PCSK6: variants seen among roughly 807,000 people sequenced by gnomAD.
PCSK6 encodes the protein proprotein convertase subtilisin/kexin type 6.
Under a neutral mutation model 123.3 loss-of-function variants are expected in PCSK6, and 85 were observed. That is an observed-to-expected ratio of 0.69 (90% CI 0.58 to 0.83). PCSK6 has a LOEUF of 0.83. Among genes scored for constraint, PCSK6 ranks in the 40% least tolerant of loss-of-function variants. PCSK6 has a pLI of 0.00. For missense variants in PCSK6, 1,191 were observed against 1,282.3 expected (o/e 0.93, Z 1.09); for synonymous variants, 508 against 516.0 (o/e 0.98, Z 0.21).
intron 10 of PCSK6, 102 bp from the exon 11 acceptor site, chr15:101,382,311 C>A: frequency 1.1e-6 from 1 of 896,924 alleles, no homozygotes. Flanking sequence ...ACAGAGGGAC[C>A]GTAAGACTCG....
chr15:101,438,316 C>A (rs963291309), intron 2 of PCSK6, among the ~76,000 whole-genome samples: 1 of 152,162 alleles, frequency 6.6e-6, no homozygotes, highest in Admixed American at 6.5e-5. Flanking sequence ...TAGGATTTTT[C>A]CATAATTTAG....
chr15:101,453,109 T>C (rs2057078229), intron 1 of PCSK6, among the ~76,000 whole-genome samples: 1 of 152,226 alleles, frequency 6.6e-6, no homozygotes, highest in Non-Finnish European at 1.5e-5. Flanking sequence ...ACTCTTTCTC[T>C]AACCCCATGC....
At chr15:101,348,019 T>A (rs950495779) in intron 13 of PCSK6, among the ~76,000 whole-genome samples, 1 of 152,224 alleles carries the variant, frequency 6.6e-6, no homozygotes, top group Non-Finnish European at 1.5e-5. Flanking sequence ...ATACACTTTA[T>A]GTCCTGTCTT....
At chr15:101,396,605 G>C (rs1213102799) in intron 7 of PCSK6, among the ~76,000 whole-genome samples, 1 of 152,048 alleles carries the variant, frequency 6.6e-6, no homozygotes, top group Non-Finnish European at 1.5e-5. Context: ...GGAGCTGGGA[G>C]CTAAGTAATG....
intron 1 of PCSK6, among the ~76,000 whole-genome samples, chr15:101,453,842 G>A (rs886139010): frequency 1.3e-5 from 2 of 152,244 alleles, no homozygotes; most frequent in African/African-American, 4.8e-5. Context: ...GCTCCGGTAC[G>A]AGTCCAGGTC....
intron 13 of PCSK6, among the ~76,000 whole-genome samples, chr15:101,352,738 C>A (rs1406456640): frequency 6.6e-6 from 1 of 152,150 alleles, no homozygotes; most frequent in African/African-American, 2.4e-5. Context: ...ATTATCTGTG[C>A]CCATTCTTTC....
intron 19 of PCSK6, 128 bp downstream of exon 19, chr15:101,318,191 T>C (rs1596174774): frequency 8.9e-6 from 6 of 673,616 alleles, no homozygotes; most frequent in East Asian, 5.5e-5. Flanking sequence ...GTACCTTGTT[T>C]TGCCCTTGCA....
chr15:101,383,623 G>T (rs1439741469), intron 10 of PCSK6, among the ~76,000 whole-genome samples: 2 of 151,998 alleles, frequency 1.3e-5, no homozygotes, highest in Admixed American at 6.6e-5. Context: ...GCCAAAAGAA[G>T]TTTTACAGTT....
chr15:101,386,116 G>A (rs571500720), intron 9 of PCSK6, among the ~76,000 whole-genome samples: 4 of 151,988 alleles, frequency 2.6e-5, no homozygotes, highest in South Asian at 2.1e-4. Flanking sequence ...TACTAGGAAC[G>A]CACACCGTGC....
At chr15:101,454,730 AG>A (rs1202069974) in intron 1 of PCSK6, among the ~76,000 whole-genome samples, 17 of 152,152 alleles carry the variant, frequency 1.1e-4, no homozygotes, top group African/African-American at 3.9e-4. Flanking sequence ...AGATCACATG[AG>A]GTCAGGAGTT....
chr15:101,364,067 C>T (rs2041316951), intron 13 of PCSK6, among the ~76,000 whole-genome samples: 1 of 152,196 alleles, frequency 6.6e-6, no homozygotes, highest in Admixed American at 6.5e-5. Context: ...CAACACTCTT[C>T]TTTTCTCCTA....
chr15:101,464,350 C>T (rs2057407335), intron 1 of PCSK6, among the ~76,000 whole-genome samples: 2 of 152,138 alleles, frequency 1.3e-5, no homozygotes, highest in African/African-American at 4.8e-5. Context: ...TCATATGTAC[C>T]CACACGTGTG....
intron 6 of PCSK6, among the ~76,000 whole-genome samples, chr15:101,425,453 T>C (rs1323944753): frequency 6.6e-6 from 1 of 152,208 alleles, no homozygotes; most frequent in East Asian, 1.9e-4. Context: ...GAGCTGACCA[T>C]AGAGCTCTTC....
chr15:101,438,753 G>A lies in PCSK6; in HGVS notation c.402+4803C>T, dbSNP rs144724619. 2.0e-4 allele frequency among the ~76,000 whole-genome samples: 30 copies of A among 152,316 alleles called. No homozygotes were observed. The East Asian group carries it at 3.9e-3, about 20-fold the overall frequency. Reference sequence around the variant, plus strand: ...TCCCAAACAAACTGAACTAGTCATCGTTCCCAACAAACACTGCTGTGTGCT... The same window carrying A: ...TCCCAAACAAACTGAACTAGTCATCATTCCCAACAAACACTGCTGTGTGCT... On this transcript the variant is annotated intron_variant, in intron 2 of 21. Coordinates refer to ENST00000611716, the MANE Select transcript of PCSK6 (RefSeq NM_002570.5).
chr15:101,320,228 G>C (rs1417323502), intron 18 of PCSK6, among the ~76,000 whole-genome samples: 2 of 152,150 alleles, frequency 1.3e-5, no homozygotes, highest in African/African-American at 4.8e-5. Flanking sequence ...TGAGATTACA[G>C]GCGTGCACCA....
intron 1 of PCSK6, among the ~76,000 whole-genome samples, chr15:101,453,725 A>T (rs1567232303): frequency 6.6e-6 from 1 of 152,180 alleles, no homozygotes; most frequent in Non-Finnish European, 1.5e-5. Context: ...AGACTTTCCC[A>T]ACTTGAGGAG....
intron 1 of PCSK6, among the ~76,000 whole-genome samples, chr15:101,473,904 AATG>A (rs1221822860): frequency 6.8e-5 from 10 of 147,918 alleles, no homozygotes; most frequent in South Asian, 4.2e-4. Context: ...ATAAATAAAT[AATG>A]AATGAATGAA....
At chr15:101,435,627 G>C (rs569617414) in intron 2 of PCSK6, among the ~76,000 whole-genome samples, 1 of 152,342 alleles carries the variant, frequency 6.6e-6, no homozygotes, top group South Asian at 2.1e-4. Context: ...ACGCTCTGGG[G>C]CAGGGAGTTC....
intron 1 of PCSK6, among the ~76,000 whole-genome samples, chr15:101,484,271 G>A (rs2057965308): frequency 6.6e-6 from 1 of 152,132 alleles, no homozygotes; most frequent in South Asian, 2.1e-4. Context: ...CTTCTTGGAG[G>A]TCATTGCTAA....
Sources: gnomAD v4.1 joint callset for allele counts (sites outside exome capture counted in the v4.1 genomes callset) on GRCh38, gnomAD v4.1.1 for gene constraint, MANE v1.5 for transcripts, NCBI Gene and HGNC (gene_info 2026-07-23, HGNC 2026-07-21) for gene names.